The following BAHD1 variants were observed in gnomAD, a reference collection of about 807,000 sequenced individuals.
The protein encoded by BAHD1 is bromo adjacent homology domain containing 1, also known as bromo adjacent homology domain-containing 1 protein.
A neutral mutation model predicts 63.1 loss-of-function variants in BAHD1; 20 were observed. The ratio of observed to expected loss-of-function variants is 0.32; its 90% confidence interval spans 0.22 to 0.46. The LOEUF (loss-of-function observed/expected upper bound fraction) is 0.46, where lower values mean the gene tolerates loss of function less well. BAHD1 is among the 20% of genes least tolerant of loss of function. BAHD1 has a pLI of 1.00. For missense variants in BAHD1, 939 were observed against 1,071.8 expected (o/e 0.88, Z 1.73); for synonymous variants, 408 against 426.8 (o/e 0.96, Z 0.54).
intron 2 of BAHD1, 72 bp from the exon 3 acceptor site, chr15:40,461,840 G>T: frequency 6.6e-7 from 1 of 1,505,114 alleles, no homozygotes; most frequent in South Asian, 1.3e-5. Context: ...TAAGACAGGA[G>T]CAGGCTCTGA....
At chr15:40,440,628 A>T (rs889616647), upstream of BAHD1, among the ~76,000 whole-genome samples, 14 of 152,072 alleles carry the variant, frequency 9.2e-5, no homozygotes, top group African/African-American at 2.9e-4. Flanking sequence ...ATACGGGCTC[A>T]GGTTCTGAAG....
At position 40,465,173 on chromosome 15, in the gene BAHD1, G is replaced by A. The variant is rs1894166053; in HGVS notation, c.2053-162G>A. On this transcript the variant is annotated intron_variant, in intron 5 of 6. Coordinates refer to ENST00000416165, the MANE Select transcript of BAHD1 (RefSeq NM_014952.5). ...GACCTAGAAGGGACTCAGGAGGAAT[G>A]CCTGGAGGCAGTAGGTGAGGCATAC... 5 of 634,180 alleles carry A rather than the reference G, an allele frequency of 7.9e-6. No homozygotes were observed. The East Asian group carries it at 1.4e-4, about 17-fold the overall frequency. The allele number at this position is 634,180 out of a possible 1,614,324, so 39.3% of individuals were successfully genotyped here. A position where few individuals can be genotyped will look rare whatever the true frequency, so the allele number is the denominator to read the frequency against.
chr15:40,458,734 T>A lies in BAHD1; in HGVS notation c.270T>A (p.Asp90Glu). The part of the protein sequence containing the change: ...VAGPRSADEA[D>E]ELPPDLPKPP... ...GTCCCCGGAGTGCAGATGAGGCTGA[T>A]GAGCTACCGCCTGACCTGCCCAAGC... The change falls in exon 2 of 7, where the codon GAT (aspartate) becomes GAA (glutamate). Residue 90 changes from aspartate to glutamate, a missense_variant. This residue lies in a region of BAHD1 where 797 missense variants were observed against 813.3 expected (regional missense o/e 0.98). Transcript: ENST00000416165. This position sits in a 1 kb window ranked among gnomAD's most constrained non-coding sequence, Gnocchi z 4.7. 6.2e-7 allele frequency: 1 copy of A among 1,613,510 alleles called. No homozygotes were observed. The highest frequency in any genetic ancestry group is 8.5e-7 in the Non-Finnish European group (1 of 1,180,008).
chr15:40,453,382 A>G (rs528943075), intron 1 of BAHD1: 1 of 152,358 alleles, frequency 6.6e-6, no homozygotes, highest in East Asian at 1.9e-4. Context: ...TTTAAGTGAA[A>G]AGGAGCCTAG....
upstream of BAHD1, among the ~76,000 whole-genome samples, chr15:40,438,290 G>A (rs1893318580): frequency 1.3e-5 from 2 of 152,244 alleles, no homozygotes; most frequent in South Asian, 4.1e-4. Flanking sequence ...AGAGGTCCCT[G>A]AAAGTTGGGT....
chr15:40,441,629 G>T (rs960729966), intron 1 of BAHD1, among the ~76,000 whole-genome samples: 8 of 147,154 alleles, frequency 5.4e-5, no homozygotes, highest in African/African-American at 2.0e-4. Context: ...GGCGGCGCGG[G>T]CGTCCCGAGC....
At chr15:40,445,189 A>G (rs1312096422) in intron 1 of BAHD1, among the ~76,000 whole-genome samples, 1 of 151,538 alleles carries the variant, frequency 6.6e-6, no homozygotes, top group East Asian at 1.9e-4. Context: ...ATCAAGAAAC[A>G]GAGAAAATTT....
upstream of BAHD1, among the ~76,000 whole-genome samples, chr15:40,437,964 A>G (rs1044190097): frequency 2.6e-5 from 4 of 152,154 alleles, no homozygotes; most frequent in Admixed American, 6.5e-5. Context: ...ACCCTTCCCG[A>G]TGGGTCTGGA....
At chr15:40,463,791 A>AT (rs2141548821) in intron 3 of BAHD1, 70 bp from the exon 4 acceptor site, 11 of 1,540,520 alleles carry the variant, frequency 7.1e-6, no homozygotes, top group Non-Finnish European at 8.9e-6. Flanking sequence ...AAAGGATGTC[A>AT]TTCCCTCTCT....
At chr15:40,438,962 T>A (rs1197599626), upstream of BAHD1, among the ~76,000 whole-genome samples, 1 of 152,024 alleles carries the variant, frequency 6.6e-6, no homozygotes, top group African/African-American at 2.4e-5. Flanking sequence ...CCACCACCAA[T>A]CTCTGACGAG....
At chr15:40,445,179 A>G (rs1893501675) in intron 1 of BAHD1, among the ~76,000 whole-genome samples, 1 of 151,226 alleles carries the variant, frequency 6.6e-6, no homozygotes, top group African/African-American at 2.4e-5. Context: ...GAACACTTAT[A>G]TCAAGAAACA....
At position 40,459,204 on chromosome 15, in the gene BAHD1, C is replaced by G. The variant is rs142693945; in HGVS notation, c.740C>G (p.Pro247Arg). 5.0e-5 allele frequency: 80 copies of G among 1,611,616 alleles called. No individual in the cohort carries two copies. The African/African-American group carries it at 9.5e-4, about 19-fold the overall frequency. ...TEPPAPKAPR[P>R]KWPKVNGKNY... ...CCCCCAGCACCCAAGGCCCCGAGGC[C>G]AAAGTGGCCCAAGGTCAATGGCAAG... Residue 247 changes from proline to arginine, a missense_variant, in exon 2 of 7, where the codon CCA becomes CGA. Pro to Arg is a moderately radical substitution (Grantham distance 103). Transcript: ENST00000416165.
intron 1 of BAHD1, among the ~76,000 whole-genome samples, chr15:40,442,177 C>T (rs2141462030): frequency 6.6e-6 from 1 of 151,886 alleles, no homozygotes; most frequent in Admixed American, 6.5e-5. Flanking sequence ...GCTCGCTTGG[C>T]GGTGAAGCGC....
chr15:40,447,095 A>G (rs1241120740), intron 1 of BAHD1, among the ~76,000 whole-genome samples: 1 of 152,160 alleles, frequency 6.6e-6, no homozygotes, highest in African/African-American at 2.4e-5. Flanking sequence ...ATCGTGGGAA[A>G]GGTATTATTA....
intron 1 of BAHD1, among the ~76,000 whole-genome samples, chr15:40,449,156 G>A (rs1416928724): frequency 6.6e-6 from 1 of 152,104 alleles, no homozygotes; most frequent in African/African-American, 2.4e-5. Flanking sequence ...TCCTTGTTAG[G>A]ATGAAATGGT....
chr15:40,456,127 C>G (rs956178206), intron 1 of BAHD1, among the ~76,000 whole-genome samples: 7 of 152,188 alleles, frequency 4.6e-5, no homozygotes, highest in Non-Finnish European at 1.0e-4. Flanking sequence ...CTCATGCCAG[C>G]ACGCCTGGCT....
In BAHD1 at chr15:40,461,863, G is replaced by A. The variant is rs376482529; in HGVS notation, c.1433-49G>A. The A allele has an allele frequency of 1.8e-5, 28 of 1,526,480 alleles. No homozygotes were observed. The African/African-American group carries it at 2.5e-4, about 14-fold the overall frequency. 94.6% of individuals were successfully genotyped at this position (1,526,480 alleles called of 1,614,324 possible). A position where few individuals can be genotyped will look rare whatever the true frequency, so the allele number is the denominator to read the frequency against. On this transcript the variant is annotated intron_variant, in intron 2 of 6. Coordinates refer to ENST00000416165, the MANE Select transcript of BAHD1 (RefSeq NM_014952.5). ...GAGCAGGCTCTGAAAGCAGATGGGTGATGGGGGTCACTGCTTGTCCTGTCC... is the reference window on the plus strand; with the variant it reads ...GAGCAGGCTCTGAAAGCAGATGGGTAATGGGGGTCACTGCTTGTCCTGTCC...
At chr15:40,439,112 G>A (rs1398046568), upstream of BAHD1, among the ~76,000 whole-genome samples, 1 of 152,196 alleles carries the variant, frequency 6.6e-6, no homozygotes, top group Non-Finnish European at 1.5e-5. Flanking sequence ...CCAGGAAGGG[G>A]AGAAATCTTT....
intron 1 of BAHD1, among the ~76,000 whole-genome samples, chr15:40,453,276 C>T (rs1243667164): frequency 5.9e-5 from 9 of 152,348 alleles, no homozygotes; most frequent in African/African-American, 2.2e-4. Context: ...TGTACCAGCT[C>T]TTTAAGAGAT....
Sources: gnomAD v4.1 joint callset for allele counts (sites outside exome capture counted in the v4.1 genomes callset) on GRCh38, gnomAD v4.1.1 for gene constraint, gnomAD v4.1.1 regional missense constraint, Gnocchi (gnomAD v3.1) non-coding constraint, MANE v1.5 for transcripts, NCBI Gene and HGNC (gene_info 2026-07-23, HGNC 2026-07-21) for gene names.